Variants in LRIT3 observed in about 807,000 individuals in gnomAD.
LRIT3 encodes the protein leucine-rich repeat, immunoglobulin-like domain and transmembrane domain-containing protein 3.
Under a neutral mutation model 22.6 loss-of-function variants are expected in LRIT3, and 14 were observed. The ratio of observed to expected loss-of-function variants is 0.62; its 90% confidence interval spans 0.41 to 0.97. The LOEUF is 0.97. Ranked by LOEUF, LRIT3 falls within the 50% of genes least tolerant of loss-of-function variation. LRIT3 has a pLI of 0.00. For synonymous variants in LRIT3, 306 were observed against 304.5 expected, an observed-to-expected ratio of 1.01 and a Z score of -0.05; for missense variants, 783 against 803.0, an observed-to-expected ratio of 0.98 and a Z score of 0.30.
chr4:109,870,729 A>C lies in LRIT3; in HGVS notation c.1980A>C (p.Ser660=). The C allele has an allele frequency of 6.2e-7, 1 of 1,613,544 alleles. No homozygotes were observed. Among genetic ancestry groups the C allele is most frequent in the Non-Finnish European group, 8.5e-7 (1 of 1,179,792 alleles). The change falls in exon 4 of 4, where the codon TCA becomes TCC. Residue 660 remains serine (S), a synonymous_variant. Transcript: ENST00000594814. ...AGAAATTGCTGCTTTGTTCTAGGTC[A>C]AGTGTGGAATCTCAGGTGACTTTTA... ...DSEKLLLCSR[S]SVESQVTFKS...
chr4:109,853,531 C>T (rs1286423531), intron 2 of LRIT3, among the ~76,000 whole-genome samples: 1 of 152,080 alleles, frequency 6.6e-6, no homozygotes, highest in East Asian at 1.9e-4. Flanking sequence ...TTCTCCCATT[C>T]TGTAGGTTGT....
rs557890726 is a variant in LRIT3 at position 109,851,867 on chromosome 4, A to G, written c.480A>G (p.Leu160=). Residue 160 remains leucine, a synonymous_variant, in exon 2 of 4, where the codon TTA becomes TTG. Transcript: ENST00000594814. ...RYLKNLAYLD[L]SSNRLTTLPP... is the part of the protein sequence containing the mutation. ...TGAAGAACCTTGCCTACTTGGATTT[A>G]TCAAGCAACAGACTCACCACATTGC... 1 of 1,551,674 alleles carries G rather than the reference A, an allele frequency of 6.4e-7. No homozygotes were observed. Among genetic ancestry groups the G allele is most frequent in the South Asian group, 1.2e-5 (1 of 84,062 alleles).
chr4:109,848,138 A>G lies in LRIT3; in HGVS notation c.-64A>G. ...AAATGGCTGTTTGTATTCCAGGCATACCAGGTTCTGAATGCTTAGGATTCG... is the reference window on the plus strand; with the variant it reads ...AAATGGCTGTTTGTATTCCAGGCATGCCAGGTTCTGAATGCTTAGGATTCG... On this transcript the variant is annotated 5_prime_UTR_variant, in exon 1 of 4. It adds an upstream start codon to the 5' untranslated region. Coordinates refer to ENST00000594814, the MANE Select transcript of LRIT3 (RefSeq NM_198506.5). 1 of 782,982 alleles carries G rather than the reference A, an allele frequency of 1.3e-6. No individual in the cohort carries two copies. The highest frequency in any genetic ancestry group is 1.7e-6 in the Non-Finnish European group (1 of 577,912). 48.5% of individuals were successfully genotyped at this position (782,982 alleles called of 1,614,324 possible).
chr4:109,860,073 A>C (rs556245439), intron 2 of LRIT3, among the ~76,000 whole-genome samples: 1 of 152,294 alleles, frequency 6.6e-6, no homozygotes, highest in South Asian at 2.1e-4. Flanking sequence ...CTATAAAACC[A>C]GGTTTTGTTT....
intron 2 of LRIT3, among the ~76,000 whole-genome samples, chr4:109,862,135 A>G (rs778621323): frequency 4.6e-5 from 7 of 152,234 alleles, no homozygotes; most frequent in Non-Finnish European, 1.0e-4. Flanking sequence ...TCAAGGGCTT[A>G]TAGTCCTCAG....
Position 109,870,619 on chromosome 4 carries a change from G to A in LRIT3, c.1870G>A (p.Glu624Lys), listed in dbSNP as rs752249252. Residue 624 changes from glutamate to lysine, a missense_variant, in exon 4 of 4, where the codon GAG (glutamate) becomes AAG (lysine). This residue lies in a region of LRIT3 where 756 missense variants were observed against 753.8 expected (regional missense o/e 1.00). Coordinates refer to ENST00000594814, the MANE Select transcript of LRIT3 (RefSeq NM_198506.5). ...EPFWEDDLAK[E>K]TYIQFETLFP... ...TTTTTGGGAAGATGATTTGGCAAAG[G>A]AGACTTATATCCAATTTGAGACCCT... 1 of 1,613,836 alleles carries A rather than the reference G, an allele frequency of 6.2e-7. No homozygotes were observed. The highest frequency in any genetic ancestry group is 2.2e-5 in the East Asian group (1 of 44,866).
chr4:109,862,567 A>G (rs1228018733), intron 2 of LRIT3, among the ~76,000 whole-genome samples: 1 of 152,244 alleles, frequency 6.6e-6, no homozygotes, highest in Admixed American at 6.5e-5. Flanking sequence ...TTAATTTTTT[A>G]AAGAATTTTC....
At chr4:109,865,428 A>G (rs1290736257) in intron 2 of LRIT3, among the ~76,000 whole-genome samples, 1 of 152,176 alleles carries the variant, frequency 6.6e-6, no homozygotes, top group Non-Finnish European at 1.5e-5. Context: ...CTATGAACTG[A>G]CTACATTATT....
chr4:109,857,512 A>G (rs1455234488), intron 2 of LRIT3, among the ~76,000 whole-genome samples: 2 of 152,156 alleles, frequency 1.3e-5, no homozygotes, highest in Non-Finnish European at 2.9e-5. Context: ...AATCATAGCT[A>G]TGGTTAATCT....
chr4:109,849,726 C>T (rs1734163030), intron 1 of LRIT3, among the ~76,000 whole-genome samples: 1 of 152,236 alleles, frequency 6.6e-6, no homozygotes, highest in African/African-American at 2.4e-5. Context: ...AATTCTCCTG[C>T]CTCAGCCTCC....
intron 1 of LRIT3, among the ~76,000 whole-genome samples, chr4:109,850,395 CTTCCTTCCTTCCTTCCTTCCTTCCTTCCT>C (rs1734189655): frequency 1.8e-4 from 1 of 5,660 alleles, no homozygotes; most frequent in African/African-American, 2.1e-4. Context: ...TCCTTCCTTC[CTTCCTTCCTTCCTTCCTTCCTTCCTTCCT>C]TTCTTTCTTT....
chr4:109,853,414 C>T (rs1405842119), intron 2 of LRIT3, among the ~76,000 whole-genome samples: 2 of 152,142 alleles, frequency 1.3e-5, no homozygotes, highest in Non-Finnish European at 2.9e-5. Flanking sequence ...ATCCTCTGCC[C>T]ACTTTTTGAT....
In LRIT3 at chr4:109,851,935, C is replaced by T; in HGVS notation, c.548C>T (p.Pro183Leu). The T allele has an allele frequency of 6.4e-7, 1 of 1,551,426 alleles. No individual in the cohort carries two copies. The highest frequency in any genetic ancestry group is 8.7e-7 in the Non-Finnish European group (1 of 1,146,892). Residue 183 changes from proline (P) to leucine (L), a missense_variant, in exon 2 of 4, where the codon CCT (proline) becomes CTT (leucine). By Grantham distance (98) the Pro-to-Leu change is moderately conservative. Transcript: ENST00000594814. ...AGCTGGACTCATTTAGTTTCAACACCTTCTGGAGTCCTGGACCTTTCCCCA... is the reference window on the plus strand; with the variant it reads ...AGCTGGACTCATTTAGTTTCAACACTTTCTGGAGTCCTGGACCTTTCCCCA... ...LESWTHLVST[P>L]SGVLDLSPSR... is the part of the protein sequence containing the mutation.
chr4:109,860,043 C>A (rs1371756195), intron 2 of LRIT3, among the ~76,000 whole-genome samples: 1 of 152,110 alleles, frequency 6.6e-6, no homozygotes, highest in Non-Finnish European at 1.5e-5. Context: ...TATTGCCCTG[C>A]AAATAAACAT....
At chr4:109,859,859 C>A (rs1421472953) in intron 2 of LRIT3, among the ~76,000 whole-genome samples, 1 of 152,210 alleles carries the variant, frequency 6.6e-6, no homozygotes, top group Non-Finnish European at 1.5e-5. Flanking sequence ...CACAATCCTG[C>A]ATGCAATTTT....
At chr4:109,850,403 C>A (rs28483146) in intron 1 of LRIT3, among the ~76,000 whole-genome samples, 9 of 6,296 alleles carry the variant, frequency 1.4e-3, no homozygotes, top group African/African-American at 2.1e-3. Flanking sequence ...TCCTTCCTTC[C>A]TTCCTTCCTT....
At position 109,848,334 on chromosome 4, in the gene LRIT3, G is replaced by C; in HGVS notation, c.116+17G>C. On this transcript the variant is annotated intron_variant, in intron 1 of 3. Transcript: ENST00000594814. The stretch of plus-strand genomic sequence containing the variant: ...AGGATCAAGGTATGCTCCTCTGCTT[G>C]TTACTAAGTGTTCTCATTATTTTGA... 1 of 1,187,536 alleles carries C rather than the reference G, an allele frequency of 8.4e-7. No individual in the cohort carries two copies. Among genetic ancestry groups the C allele is most frequent in the Non-Finnish European group, 1.1e-6 (1 of 947,420 alleles). 73.6% of individuals were successfully genotyped at this position (1,187,536 alleles called of 1,614,324 possible).
At chr4:109,850,418 C>CTTTCTTTCTTTCTTTCTTTCTTT (rs1491056843) in intron 1 of LRIT3, among the ~76,000 whole-genome samples, 674 of 28,208 alleles carry the variant, frequency 0.024, 119 homozygotes, top group East Asian at 0.033. Context: ...TTCCTTCCTT[C>CTTTCTTTCTTTCTTTCTTTCTTT]CTTCCTTTCT....
chr4:109,851,438 G>A, intron 1 of LRIT3, 66 bp from the exon 2 acceptor site: 1 of 1,461,396 alleles, frequency 6.8e-7, no homozygotes, highest in Non-Finnish European at 9.0e-7. Context: ...TTTCAAATGA[G>A]AAGTATTTTT....
Sources: allele counts gnomAD v4.1 joint callset (sites outside exome capture counted in the v4.1 genomes callset), GRCh38; gene constraint gnomAD v4.1.1; regional missense constraint gnomAD v4.1.1; transcripts MANE v1.5; gene names NCBI Gene and HGNC (gene_info 2026-07-23, HGNC 2026-07-21).